Variants in SIGLEC14 observed in about 807,000 individuals in gnomAD.
SIGLEC14 encodes sialic acid-binding Ig-like lectin 14.
SIGLEC14 carries 11 observed loss-of-function variants against 34.2 expected under a neutral mutation model. That is an observed-to-expected ratio of 0.32 (90% CI 0.20 to 0.53). The LOEUF is 0.53. Among genes scored for constraint, SIGLEC14 ranks in the 20% least tolerant of loss-of-function variants. The pLI is 0.95. For synonymous variants in SIGLEC14, 99 were observed against 179.7 expected (o/e 0.55, Z 3.59); for missense variants, 264 against 439.0 (o/e 0.60, Z 3.56).
At position 51,646,534 on chromosome 19, in the gene SIGLEC14, T is replaced by C; in HGVS notation, c.144A>G (p.Arg48=). ...AGAGTGGGGGAGAGGAATACCAGGA[T>C]CTCCAGGGGTAAGAGAAGGAGCAGG... The part of the protein sequence containing the change: ...LVPCSFSYPW[R]SWYSSPPLYV... Residue 48 remains arginine (R), a synonymous_variant, in exon 2 of 7, where the codon AGA becomes AGG. Coordinates refer to ENST00000360844, the MANE Select transcript of SIGLEC14 (RefSeq NM_001098612.3). The C allele has an allele frequency of 5.6e-6, 3 of 540,470 alleles. No homozygotes were observed. The highest frequency in any genetic ancestry group is 5.9e-6 in the Non-Finnish European group (2 of 340,844). 33.5% of individuals were successfully genotyped at this position (540,470 alleles called of 1,614,324 possible). A position where few individuals can be genotyped will look rare whatever the true frequency, so the allele number is the denominator to read the frequency against.
chr19:51,646,340 G>A lies in SIGLEC14; in HGVS notation c.338C>T (p.Thr113Met), dbSNP rs759085205. The change falls in exon 2 of 7, where the codon ACG becomes ATG. Residue 113 changes from threonine to methionine, a missense_variant. Coordinates refer to ENST00000360844, the MANE Select transcript of SIGLEC14 (RefSeq NM_001098612.3). Reference protein sequence around the residue: ...LSIGDARMEDTGSYFFRVERG... With the variant: ...LSIGDARMEDMGSYFFRVERG... ...CTCCACGCGGAAGAAATAGCTTCCCGTGTCCTCCATTCTGGCATCTCCGAT... is the reference window on the plus strand; with the variant it reads ...CTCCACGCGGAAGAAATAGCTTCCCATGTCCTCCATTCTGGCATCTCCGAT... 2 of 1,248,542 alleles carry A rather than the reference G, an allele frequency of 1.6e-6. No individual in the cohort carries two copies. Among genetic ancestry groups the A allele is most frequent in the Admixed American group, 2.1e-5 (1 of 47,980 alleles). The allele number at this position is 1,248,542 out of a possible 1,614,324, so 77.3% of individuals were successfully genotyped here.
chr19:51,645,852 G>T lies in SIGLEC14; in HGVS notation c.630C>A (p.Asn210Lys). The T allele has an allele frequency of 6.5e-7, 1 of 1,528,992 alleles. No individual in the cohort carries two copies. Among genetic ancestry groups the T allele is most frequent in the Non-Finnish European group, 8.8e-7 (1 of 1,140,248 alleles). The allele number at this position is 1,528,992 out of a possible 1,614,324, so 94.7% of individuals were successfully genotyped here. A position where few individuals can be genotyped will look rare whatever the true frequency, so the allele number is the denominator to read the frequency against. Residue 210 changes from asparagine to lysine, a missense_variant, in exon 3 of 7, where the codon AAC (asparagine) becomes AAA (lysine). Asn to Lys is a moderately conservative substitution (Grantham distance 94, BLOSUM62 0). Coordinates refer to ENST00000360844, the MANE Select transcript of SIGLEC14 (RefSeq NM_001098612.3). ...CTTGGCGTTTCACCTGACAGGTGAG[G>T]TTGGTGCCATGGTCCTCGGGCCTGG... is the stretch of plus-strand genomic sequence containing the variant. Reference protein sequence around the residue: ...LTPRPEDHGTNLTCQVKRQGA... With the variant: ...LTPRPEDHGTKLTCQVKRQGA...
Position 51,642,230 on chromosome 19 carries a change from G to A in SIGLEC14, c.*1125C>T. ...GAAGGCTGACTGTACGATATTAAAA[G>A]CAAAAAAAACCCCACCAAAACTGAG... On this transcript the variant is annotated 3_prime_UTR_variant, in exon 7 of 7. Transcript: ENST00000360844. 7.2e-6 allele frequency among the ~76,000 whole-genome samples: 1 copy of A among 138,716 alleles called. No individual in the cohort carries two copies. The highest frequency in any genetic ancestry group is 1.5e-5 in the Non-Finnish European group (1 of 64,854). The allele number at this position is 138,716 out of a possible 152,430, so 91.0% of individuals were successfully genotyped here.
At position 51,644,017 on chromosome 19, in the gene SIGLEC14, A is replaced by G. The variant is rs772668215; in HGVS notation, c.774T>C (p.Asn258=). The G allele has an allele frequency of 1.3e-6, 2 of 1,518,870 alleles. No homozygotes were observed. Among genetic ancestry groups the G allele is most frequent in the Admixed American group, 1.8e-5 (1 of 56,642 alleles). The allele number at this position is 1,518,870 out of a possible 1,614,324, so 94.1% of individuals were successfully genotyped here. The change falls in exon 5 of 7, where the codon AAT becomes AAC. Residue 258 remains asparagine (N), a synonymous_variant. Transcript: ENST00000360844. ...GTGTALRILS[N]GMSVPIQEGQ... Reference sequence around the variant, plus strand: ...CCTCCTGGATGGGCACCGACATGCCATTGCTCAGGATCCGCAGGGCTGGGA... The same window carrying G: ...CCTCCTGGATGGGCACCGACATGCCGTTGCTCAGGATCCGCAGGGCTGGGA...
intron 2 of SIGLEC14, 68 bp downstream of exon 2, chr19:51,646,189 A>G (rs1984038410): frequency 7.4e-7 from 1 of 1,360,046 alleles, no homozygotes; most frequent in Non-Finnish European, 9.7e-7. Context: ...CCCCTGCCCA[A>G]CTCCTGTCCC....
At chr19:51,644,811 G>C (rs1983996947) in intron 4 of SIGLEC14, among the ~76,000 whole-genome samples, 1 of 137,682 alleles carries the variant, frequency 7.3e-6, no homozygotes, top group African/African-American at 2.8e-5. Context: ...CTCAGAGAAA[G>C]GGCTGGATAT....
rs779396785 is a variant in SIGLEC14, at chr19:51,646,721, A to AC, written c.37+1dup. 2.9e-4 allele frequency: 180 copies of AC among 613,534 alleles called. No individual in the cohort carries two copies. The highest frequency in any genetic ancestry group is 1.4e-3 in the East Asian group (49 of 33,926). 38.0% of individuals were successfully genotyped at this position (613,534 alleles called of 1,614,324 possible). On this transcript the variant is annotated splice_donor_variant, in intron 1 of 6. Coordinates refer to ENST00000360844, the MANE Select transcript of SIGLEC14 (RefSeq NM_001098612.3). LOFTEE classifies it high-confidence loss of function. The stretch of plus-strand genomic sequence containing the variant: ...CTGTCCCTCCTCCCTCAGCTCACTC[A>AC]CCCCCCCACAGCAGGGGCAGCAGCA...
At position 51,641,586 on chromosome 19, in the gene SIGLEC14, A is replaced by G. The variant is rs149980248; in HGVS notation, c.*1769T>C. ...ACTGGATAGAGAAAATGTGGTACAT[A>G]TACACCATGGAATACTAAGCAGCCA... On this transcript the variant is annotated 3_prime_UTR_variant, in exon 7 of 7. Coordinates refer to ENST00000360844, the MANE Select transcript of SIGLEC14 (RefSeq NM_001098612.3). Among the ~76,000 whole-genome samples, 2,659 of 139,752 alleles carry G rather than the reference A, an allele frequency of 0.019. 477 individuals are homozygous for G. The highest frequency in any genetic ancestry group is 0.069 in the African/African-American group (2,543 of 36,808). 91.7% of individuals were successfully genotyped at this position (139,752 alleles called of 152,430 possible). A position where few individuals can be genotyped will look rare whatever the true frequency, so the allele number is the denominator to read the frequency against.
Position 51,642,126 on chromosome 19 carries a change from A to G in SIGLEC14, c.*1229T>C, listed in dbSNP as rs1377506351. On this transcript the variant is annotated 3_prime_UTR_variant, in exon 7 of 7. Transcript: ENST00000360844. ...GGGAAAGAAGGAAATATTTTGAACT[A>G]ATATAAAAATACAACATAACAAAAC... Among the ~76,000 whole-genome samples the G allele has an allele frequency of 7.2e-6, 1 of 139,446 alleles. No individual in the cohort carries two copies. Among genetic ancestry groups the G allele is most frequent in the East Asian group, 3.3e-4 (1 of 3,062 alleles). The allele number at this position is 139,446 out of a possible 152,430, so 91.5% of individuals were successfully genotyped here.
At chr19:51,643,718 C>G in intron 5 of SIGLEC14, 46 bp from the exon 6 acceptor site, 1 of 1,521,240 alleles carries the variant, frequency 6.6e-7, no homozygotes, top group Non-Finnish European at 8.8e-7. Context: ...GCCTCAGTCC[C>G]TCCCACCAAC....
rs114702172 is a variant in SIGLEC14 at position 51,640,153 on chromosome 19, T to C, written c.*3202A>G. Among the ~76,000 whole-genome samples, 672 of 139,350 alleles carry C rather than the reference T, an allele frequency of 4.8e-3. 104 individuals carry two copies. The highest frequency in any genetic ancestry group is 0.017 in the African/African-American group (641 of 36,680). 91.4% of individuals were successfully genotyped at this position (139,350 alleles called of 152,430 possible). A position where few individuals can be genotyped will look rare whatever the true frequency, so the allele number is the denominator to read the frequency against. On this transcript the variant is annotated 3_prime_UTR_variant, in exon 7 of 7. Transcript: ENST00000360844. ...CTTTTATTATGAAGGAGTAAGCTCC[T>C]AGCAGAGTGAACTCACCACAACACA...
intron 4 of SIGLEC14, among the ~76,000 whole-genome samples, chr19:51,644,311 G>A (rs1297194523): frequency 7.3e-6 from 1 of 137,610 alleles, no homozygotes; most frequent in African/African-American, 2.8e-5. Context: ...ACAGGCAGAC[G>A]AGGAAAGAGG....
chr19:51,644,929 G>A lies in SIGLEC14; in HGVS notation c.754+548C>T, dbSNP rs527402177. Among the ~76,000 whole-genome samples, 12 of 137,308 alleles carry A rather than the reference G, an allele frequency of 8.7e-5. 2 individuals are homozygous for A. Among genetic ancestry groups the A allele is most frequent in the African/African-American group, 3.3e-4 (12 of 35,960 alleles). The allele number at this position is 137,308 out of a possible 152,430, so 90.1% of individuals were successfully genotyped here. Reference sequence around the variant, plus strand: ...CAGAGCTGTGGGAGGTGGGAAAGTCGAAGGCTCCCAAAAAGGACGATCAGT... The same window carrying A: ...CAGAGCTGTGGGAGGTGGGAAAGTCAAAGGCTCCCAAAAAGGACGATCAGT... On this transcript the variant is annotated intron_variant, in intron 4 of 6. Transcript: ENST00000360844.
At chr19:51,644,108 T>A in intron 4 of SIGLEC14, 72 bp from the exon 5 acceptor site, 1 of 1,383,892 alleles carries the variant, frequency 7.2e-7, no homozygotes, top group Admixed American at 2.6e-5. Context: ...CCCACTGAGC[T>A]GCAAGAAGAA....
At chr19:51,645,220 T>C (rs548691243) in intron 4 of SIGLEC14, among the ~76,000 whole-genome samples, 3 of 139,470 alleles carry the variant, frequency 2.2e-5, no homozygotes, top group Non-Finnish European at 4.6e-5. Context: ...ATGGCTAAGA[T>C]GACAAATTTT....
rs909315889 is a variant in SIGLEC14, at chr19:51,644,221, A to C, written c.755-185T>G. ...TACCAGAAAGAAGGTGGCTGAGCTGAGAAAAGACAGATGAGGAGGAGTTCT... is the reference window on the plus strand; with the variant it reads ...TACCAGAAAGAAGGTGGCTGAGCTGCGAAAAGACAGATGAGGAGGAGTTCT... On this transcript the variant is annotated intron_variant, in intron 4 of 6. Transcript: ENST00000360844. Among the ~76,000 whole-genome samples the C allele has an allele frequency of 2.9e-5, 4 of 138,598 alleles. 1 individual carries two copies. Among genetic ancestry groups the C allele is most frequent in the African/African-American group, 5.5e-5 (2 of 36,390 alleles). 90.9% of individuals were successfully genotyped at this position (138,598 alleles called of 152,430 possible).
Position 51,640,773 on chromosome 19 carries a change from G to T in SIGLEC14, c.*2582C>A, listed in dbSNP as rs2122894. ...TGGATCACCTGAAGTCAGGAGTTCA[G>T]GACCAGCCTGACTTACATGGTGAAA... On this transcript the variant is annotated 3_prime_UTR_variant, in exon 7 of 7. Transcript: ENST00000360844. 0.5 allele frequency among the ~76,000 whole-genome samples: 68,430 copies of T among 136,136 alleles called. 22,481 individuals are homozygous for T. Among genetic ancestry groups the T allele is most frequent in the African/African-American group, 0.6 (21,298 of 35,498 alleles). 89.3% of individuals were successfully genotyped at this position (136,136 alleles called of 152,430 possible). A position where few individuals can be genotyped will look rare whatever the true frequency, so the allele number is the denominator to read the frequency against.
Position 51,644,936 on chromosome 19 carries a change from C to T in SIGLEC14, c.754+541G>A, listed in dbSNP as rs935027369. Reference sequence around the variant, plus strand: ...GTGGGAGGTGGGAAAGTCGAAGGCTCCCAAAAAGGACGATCAGTTAGAGAT... The same window carrying T: ...GTGGGAGGTGGGAAAGTCGAAGGCTTCCAAAAAGGACGATCAGTTAGAGAT... On this transcript the variant is annotated intron_variant, in intron 4 of 6. Transcript: ENST00000360844. 8.0e-5 allele frequency among the ~76,000 whole-genome samples: 11 copies of T among 136,660 alleles called. 2 individuals are homozygous for T. Among genetic ancestry groups the T allele is most frequent in the Admixed American group, 7.8e-4 (11 of 14,186 alleles). The allele number at this position is 136,660 out of a possible 152,430, so 89.7% of individuals were successfully genotyped here.
rs78171444 is a variant in SIGLEC14 at position 51,645,590 on chromosome 19, G to A, written c.701-60C>T. 3.5e-3 allele frequency: 5,180 copies of A among 1,486,378 alleles called. 769 individuals are homozygous for A. Among genetic ancestry groups the A allele is most frequent in the African/African-American group, 0.023 (1,540 of 66,204 alleles). The allele number at this position is 1,486,378 out of a possible 1,614,324, so 92.1% of individuals were successfully genotyped here. On this transcript the variant is annotated intron_variant, in intron 3 of 6. Coordinates refer to ENST00000360844, the MANE Select transcript of SIGLEC14 (RefSeq NM_001098612.3). ...TGACAAGAGGGATGGGCGTGGTCCC[G>A]GGAGGGACCCAAGGAGGGGCCACAG...
Sources: allele counts gnomAD v4.1 joint callset (sites outside exome capture counted in the v4.1 genomes callset), GRCh38; gene constraint gnomAD v4.1.1; transcripts MANE v1.5; gene names NCBI Gene and HGNC (gene_info 2026-07-23, HGNC 2026-07-21).